SLC48A1: variants seen among roughly 807,000 people sequenced by gnomAD.
SLC48A1 encodes heme transporter HRG1.
Under a neutral mutation model 14.8 loss-of-function variants are expected in SLC48A1, and 6 were observed. That is an observed-to-expected ratio of 0.41 (90% CI 0.22 to 0.80). The LOEUF (loss-of-function observed/expected upper bound fraction) is 0.80. Among genes scored for constraint, SLC48A1 ranks in the 30% least tolerant of loss-of-function variants. The pLI is 0.34. For synonymous variants in SLC48A1, 89 were observed against 90.0 expected, an observed-to-expected ratio of 0.99 and a Z score of 0.06; for missense variants, 165 against 204.8, an observed-to-expected ratio of 0.81 and a Z score of 1.19.
upstream of SLC48A1, among the ~76,000 whole-genome samples, chr12:47,767,195 G>C (rs60150383): frequency 9.3e-3 from 1,415 of 151,906 alleles, 22 homozygotes; most frequent in African/African-American, 0.032. Flanking sequence ...GGGCTGGGGT[G>C]GGGGGGTGGA....
chr12:47,758,581 G>A (rs750531972), exon 1 of SLC48A1: 5 of 1,613,698 alleles, frequency 3.1e-6, no homozygotes, highest in Non-Finnish European at 4.2e-6. Context: ...TCGCACAGCC[G>A]TGCAGGCTCT....
intron 2 of SLC48A1, among the ~76,000 whole-genome samples, chr12:47,763,844 C>T (rs1160441712): frequency 6.6e-6 from 1 of 152,156 alleles, no homozygotes; most frequent in Non-Finnish European, 1.5e-5. Flanking sequence ...CAGGAAGTTG[C>T]AGAGGTGAAA....
rs1592611233 is a variant in SLC48A1 at position 47,779,892 on chromosome 12, G to A, written c.305-253G>A. ...GATCTAATGTTTGACGATCTGAGGT[G>A]GAACAGTTTCATCCCCAAACCATCC... On this transcript the variant is annotated intron_variant, in intron 2 of 2. Coordinates refer to ENST00000442218, the MANE Select transcript of SLC48A1 (RefSeq NM_017842.3). Among the ~76,000 whole-genome samples, 3 of 152,340 alleles carry A rather than the reference G, an allele frequency of 2.0e-5. No homozygotes were observed. In the East Asian group the frequency reaches 5.8e-4, roughly 29 times the overall value.
Position 47,780,064 on chromosome 12 carries a change from G to A in SLC48A1, c.305-81G>A, listed in dbSNP as rs540181143. 15 of 1,441,450 alleles carry A rather than the reference G, an allele frequency of 1.0e-5. No individual in the cohort carries two copies. The South Asian group carries it at 2.2e-4, about 21-fold the overall frequency. The allele number at this position is 1,441,450 out of a possible 1,614,324, so 89.3% of individuals were successfully genotyped here. ...ACGTTGCAGGGATGTTGAGTGGGGA[G>A]GGTGGCCCTGGCCTTGTGGCCGGTG... On this transcript the variant is annotated intron_variant, in intron 2 of 2. Coordinates refer to ENST00000442218, the MANE Select transcript of SLC48A1 (RefSeq NM_017842.3).
upstream of SLC48A1, chr12:47,768,770 G>A (rs962415032): frequency 2.0e-5 from 3 of 152,294 alleles, no homozygotes; most frequent in African/African-American, 7.2e-5. Flanking sequence ...CTGTCTTAGT[G>A]TTGGTGGGAC....
At chr12:47,758,617 G>C in exon 1 of SLC48A1, 2 of 1,609,516 alleles carry the variant, frequency 1.2e-6, no homozygotes, top group Non-Finnish European at 8.5e-7. Context: ...GGTCCCCAGC[G>C]ACCCCCATCA....
intron 2 of SLC48A1, among the ~76,000 whole-genome samples, chr12:47,764,894 T>G (rs1942479499): frequency 6.6e-6 from 1 of 151,732 alleles, no homozygotes; most frequent in African/African-American, 2.4e-5. Flanking sequence ...CTGGCCAACA[T>G]GGTGAAACCC....
chr12:47,763,628 C>G (rs1452099354), intron 2 of SLC48A1, among the ~76,000 whole-genome samples: 1 of 152,214 alleles, frequency 6.6e-6, no homozygotes. Context: ...CATCTCCTCC[C>G]TTGCCCATTC....
chr12:47,758,507 C>T (rs760376900), upstream of SLC48A1: 3 of 1,605,992 alleles, frequency 1.9e-6, no homozygotes, highest in Middle Eastern at 1.7e-4. Flanking sequence ...CTTCCTCTCC[C>T]GCCCTCTCCT....
chr12:47,761,797 T>G (rs1257625759), intron 2 of SLC48A1, among the ~76,000 whole-genome samples: 1 of 152,210 alleles, frequency 6.6e-6, no homozygotes, highest in African/African-American at 2.4e-5. Context: ...GCCCTGTTCT[T>G]GATACTTTGT....
upstream of SLC48A1, among the ~76,000 whole-genome samples, chr12:47,757,295 A>G (rs1206656750): frequency 1.3e-5 from 2 of 152,100 alleles, no homozygotes; most frequent in Non-Finnish European, 2.9e-5. Flanking sequence ...TCAGGTCCAG[A>G]GATGTTTCTC....
At position 47,780,450 on chromosome 12, in the gene SLC48A1, G is replaced by A. The variant is rs1342989560; in HGVS notation, c.*169G>A. On this transcript the variant is annotated 3_prime_UTR_variant, in exon 3 of 3. Coordinates refer to ENST00000442218, the MANE Select transcript of SLC48A1 (RefSeq NM_017842.3). ...GAAGCTGTCCTGCCCGTCCCCTTTCGAGGAAACCTGAGTGTGGTAGAGAGG... is the reference window on the plus strand; with the variant it reads ...GAAGCTGTCCTGCCCGTCCCCTTTCAAGGAAACCTGAGTGTGGTAGAGAGG... The A allele has an allele frequency of 1.5e-5, 15 of 1,029,196 alleles. No homozygotes were observed. The highest frequency in any genetic ancestry group is 3.8e-5 in the South Asian group (3 of 78,760). The allele number at this position is 1,029,196 out of a possible 1,614,324, so 63.8% of individuals were successfully genotyped here.
intron 1 of SLC48A1, among the ~76,000 whole-genome samples, chr12:47,775,277 C>T (rs1474427734): frequency 6.6e-6 from 1 of 152,198 alleles, no homozygotes; most frequent in Admixed American, 6.5e-5. Flanking sequence ...TTTCTTCCGA[C>T]CCAACTCTGC....
chr12:47,758,347 A>G, upstream of SLC48A1: 2 of 1,450,256 alleles, frequency 1.4e-6, no homozygotes, highest in Non-Finnish European at 1.8e-6. Context: ...CTCACTGCCC[A>G]TGCCCCTGCA....
rs7138461 is a variant in SLC48A1, at chr12:47,760,275, G to T, written c.-313G>T. ...GTGGAGTTTTAAATGCCTCTCCGGG[G>T]AAGGAGGAAAGCCTGAGAATGAATC... On this transcript the variant is annotated 5_prime_UTR_variant, in exon 2 of 5. Coordinates refer to the SLC48A1 transcript ENST00000547002. 615 of 985,464 alleles carry T rather than the reference G, an allele frequency of 6.2e-4. 4 individuals are homozygous for T. The African/African-American group carries it at 0.01, about 16-fold the overall frequency. The allele number at this position is 985,464 out of a possible 1,614,324, so 61.0% of individuals were successfully genotyped here.
chr12:47,774,970 A>G (rs1213643278), intron 1 of SLC48A1, among the ~76,000 whole-genome samples: 1 of 152,280 alleles, frequency 6.6e-6, no homozygotes, highest in South Asian at 2.1e-4. Context: ...CTATGATTGC[A>G]TTGCGAAGAC....
Position 47,777,426 on chromosome 12 carries a change from A to G in SLC48A1, c.137-1602A>G, listed in dbSNP as rs1942777468. 6.6e-6 allele frequency among the ~76,000 whole-genome samples: 1 copy of G among 152,192 alleles called. No homozygotes were observed. The highest frequency in any genetic ancestry group is 2.4e-5 in the African/African-American group (1 of 41,442). On this transcript the variant is annotated intron_variant, in intron 1 of 2. Coordinates refer to ENST00000442218, the MANE Select transcript of SLC48A1 (RefSeq NM_017842.3). The surrounding 1 kb of genome is among the most constrained non-coding windows in gnomAD (Gnocchi z 4.5). ...GGCTTGGTAGGCCTTCACCCTCACT[A>G]GGGTAGAACCCTGGGCCCAGTTACC... is the stretch of plus-strand genomic sequence containing the variant.
At chr12:47,756,891 C>T (rs931658365), upstream of SLC48A1, among the ~76,000 whole-genome samples, 3 of 151,824 alleles carry the variant, frequency 2.0e-5, no homozygotes, top group African/African-American at 7.3e-5. Flanking sequence ...ATCACTTGAA[C>T]CTGGGAGGCA....
At chr12:47,776,371 A>T (rs549516069) in intron 1 of SLC48A1, among the ~76,000 whole-genome samples, 1 of 152,308 alleles carries the variant, frequency 6.6e-6, no homozygotes, top group African/African-American at 2.4e-5. Context: ...GGACCTGTCC[A>T]TTCCACCCCG....
Sources: allele counts gnomAD v4.1 joint callset (sites outside exome capture counted in the v4.1 genomes callset), GRCh38; gene constraint gnomAD v4.1.1; non-coding constraint Gnocchi (gnomAD v3.1); transcripts MANE v1.5; gene names NCBI Gene and HGNC (gene_info 2026-07-23, HGNC 2026-07-21).